Variants in PRKCA observed in about 807,000 individuals in gnomAD.
The protein encoded by PRKCA is protein kinase C alpha type.
A neutral mutation model predicts 87.0 loss-of-function variants in PRKCA; 27 were observed. That is an observed-to-expected ratio of 0.31 (90% CI 0.23 to 0.43). The LOEUF (loss-of-function observed/expected upper bound fraction) is 0.43. Ranked by LOEUF, PRKCA falls within the 20% of genes least tolerant of loss-of-function variation. The probability of loss-of-function intolerance (pLI) is 1.00; values close to 1 mark genes in which losing one functional copy is unlikely to be tolerated. For missense variants in PRKCA, 518 were observed against 852.3 expected (o/e 0.61, Z 4.88); for synonymous variants, 329 against 311.1 (o/e 1.06, Z -0.61).
At chr17:66,491,180 CAT>C (rs1368567120) in intron 2 of PRKCA, among the ~76,000 whole-genome samples, 1 of 152,164 alleles carries the variant, frequency 6.6e-6, no homozygotes, top group Non-Finnish European at 1.5e-5. Flanking sequence ...ACAAATATCA[CAT>C]AGAGGATTAG....
intron 16 of PRKCA, among the ~76,000 whole-genome samples, chr17:66,800,660 A>G (rs528032484): frequency 5.2e-4 from 79 of 152,338 alleles, no homozygotes; most frequent in African/African-American, 1.8e-3. Flanking sequence ...ACGATGATTC[A>G]TGAATGCCAT....
intron 8 of PRKCA, among the ~76,000 whole-genome samples, chr17:66,711,048 TAAATAAATA>T (rs914503100): frequency 1.3e-5 from 2 of 150,938 alleles, no homozygotes; most frequent in African/African-American, 4.9e-5. Flanking sequence ...ATCTCAAAAA[TAAATAAATA>T]AAATAAATAA....
intron 8 of PRKCA, among the ~76,000 whole-genome samples, chr17:66,707,934 G>A (rs1266053693): frequency 6.6e-6 from 1 of 152,208 alleles, no homozygotes; most frequent in Non-Finnish European, 1.5e-5. Flanking sequence ...TGGCTCGCCT[G>A]ATGTAACATG....
Position 66,607,548 on chromosome 17 carries a change from T to G in PRKCA, c.289-33807T>G, listed in dbSNP as rs1322232318. On this transcript the variant is annotated intron_variant, in intron 3 of 16. Transcript: ENST00000413366. ...TACCACCTCATTTTCTCCTCCCTTA[T>G]GTCTTGATATTGATCCCAAAGAATG... Among the ~76,000 whole-genome samples, 4 of 152,362 alleles carry G rather than the reference T, an allele frequency of 2.6e-5. No individual in the cohort carries two copies. The South Asian group carries it at 6.2e-4, about 24-fold the overall frequency.
At chr17:66,578,848 T>C (rs958838674) in intron 3 of PRKCA, among the ~76,000 whole-genome samples, 6 of 152,224 alleles carry the variant, frequency 3.9e-5, no homozygotes, top group African/African-American at 1.4e-4. Context: ...CCCCTTGCAC[T>C]GTGGATCACG....
At chr17:66,463,419 G>C (rs898865589) in intron 2 of PRKCA, among the ~76,000 whole-genome samples, 3 of 150,672 alleles carry the variant, frequency 2.0e-5, no homozygotes, top group Admixed American at 6.6e-5. Context: ...TTTTTGAGAC[G>C]AAGTTTTGCT....
In PRKCA at chr17:66,730,828, A is replaced by G. The variant is rs1396274217; in HGVS notation, c.919-1860A>G. Among the ~76,000 whole-genome samples the G allele has an allele frequency of 6.6e-5, 10 of 152,332 alleles. No homozygotes were observed. The East Asian group carries it at 1.9e-3, about 29-fold the overall frequency. ...TGCAGAGGCTCCCCAAGAGAGCACA[A>G]GGGGGCTCAATCAGTACTTGTGGGA... On this transcript the variant is annotated intron_variant, in intron 8 of 16. Coordinates refer to ENST00000413366, the MANE Select transcript of PRKCA (RefSeq NM_002737.3).
intron 14 of PRKCA, among the ~76,000 whole-genome samples, chr17:66,780,756 T>C (rs964490162): frequency 2.6e-5 from 4 of 151,944 alleles, no homozygotes; most frequent in African/African-American, 4.8e-5. Flanking sequence ...GTAAAGGGAA[T>C]GGGGATGCTT....
chr17:66,388,823 T>G (rs879177889), intron 2 of PRKCA, among the ~76,000 whole-genome samples: 3 of 152,164 alleles, frequency 2.0e-5, no homozygotes, highest in Non-Finnish European at 4.4e-5. Flanking sequence ...GTCACAGAGT[T>G]GGAGACAGTG....
At chr17:66,800,561 C>G (rs1317287763) in intron 16 of PRKCA, among the ~76,000 whole-genome samples, 2 of 152,198 alleles carry the variant, frequency 1.3e-5, no homozygotes, top group African/African-American at 2.4e-5. Flanking sequence ...TCTGTGGTCC[C>G]CTTTTTAGAG....
chr17:66,650,440 T>TA lies in PRKCA; in HGVS notation c.529+4939dup, dbSNP rs917046663. ...TTGTAAATTCGGTTTATAGGAGTAG[T>TA]AAAAAAAAAATCCCTCATGGGAACC... On this transcript the variant is annotated intron_variant, in intron 5 of 16. Coordinates refer to ENST00000413366, the MANE Select transcript of PRKCA (RefSeq NM_002737.3). 3.9e-4 allele frequency among the ~76,000 whole-genome samples: 59 copies of TA among 149,568 alleles called. 1 individual carries two copies. The highest frequency in any genetic ancestry group is 3.4e-3 in the Middle Eastern group (1 of 292).
chr17:66,732,856 G>T, intron 9 of PRKCA, 31 bp downstream of exon 9: 1 of 1,597,750 alleles, frequency 6.3e-7, no homozygotes, highest in Non-Finnish European at 8.5e-7. Flanking sequence ...AAATTGCAGG[G>T]GCTTCTGCAG....
chr17:66,718,551 C>T (rs1973533318), intron 8 of PRKCA, among the ~76,000 whole-genome samples: 1 of 152,178 alleles, frequency 6.6e-6, no homozygotes, highest in Non-Finnish European at 1.5e-5. Flanking sequence ...CTCCCAGCCT[C>T]AAGCTATCTT....
chr17:66,484,311 C>G (rs2144065221), intron 2 of PRKCA, among the ~76,000 whole-genome samples: 1 of 152,242 alleles, frequency 6.6e-6, no homozygotes, highest in Admixed American at 6.5e-5. Context: ...AGTTCAACCC[C>G]TAAGAGTGTA....
At chr17:66,682,034 G>A (rs1320455171) in intron 5 of PRKCA, among the ~76,000 whole-genome samples, 1 of 152,138 alleles carries the variant, frequency 6.6e-6, no homozygotes, top group Non-Finnish European at 1.5e-5. Flanking sequence ...TCTCCAATCC[G>A]GCTAGGGCGG....
At chr17:66,783,021 G>A (rs1390010701) in intron 14 of PRKCA, among the ~76,000 whole-genome samples, 4 of 152,170 alleles carry the variant, frequency 2.6e-5, no homozygotes, top group African/African-American at 4.8e-5. Context: ...TCATGCCCAC[G>A]ATGCTCCTGC....
intron 2 of PRKCA, among the ~76,000 whole-genome samples, chr17:66,474,040 C>G (rs1179966145): frequency 6.6e-6 from 1 of 152,204 alleles, no homozygotes; most frequent in Non-Finnish European, 1.5e-5. Context: ...CTTGCCACAT[C>G]ACTCTTTCTC....
chr17:66,445,989 T>C (rs1914015736), intron 2 of PRKCA, among the ~76,000 whole-genome samples: 1 of 151,970 alleles, frequency 6.6e-6, no homozygotes, highest in South Asian at 2.1e-4. Flanking sequence ...AATTTTTGTA[T>C]TTTCTGTAGA....
At chr17:66,439,117 T>TA (rs905056333) in intron 2 of PRKCA, among the ~76,000 whole-genome samples, 1 of 152,198 alleles carries the variant, frequency 6.6e-6, no homozygotes, top group African/African-American at 2.4e-5. Context: ...GTGTCTTGTT[T>TA]AATTTCATTC....
Sources: gnomAD v4.1 joint callset for allele counts (sites outside exome capture counted in the v4.1 genomes callset) on GRCh38, gnomAD v4.1.1 for gene constraint, MANE v1.5 for transcripts, NCBI Gene and HGNC (gene_info 2026-07-23, HGNC 2026-07-21) for gene names.